Variants in CUX1 observed in about 807,000 individuals in gnomAD.
CUX1 encodes the protein cut like homeobox 1.
In CUX1, 31 loss-of-function variants were observed where a neutral mutation model predicts 158.8. The observed-to-expected ratio is 0.20, with a 90% CI of 0.15 to 0.26. The LOEUF is 0.26. Ranked by LOEUF, CUX1 falls within the 10% of genes least tolerant of loss-of-function variation. The pLI, the probability that CUX1 is intolerant of heterozygous loss-of-function variation, is 1.00. For missense variants in CUX1, 1,589 were observed against 2,014.6 expected (o/e 0.79, Z 4.04); for synonymous variants, 879 against 862.1 (o/e 1.02, Z -0.34).
At chr7:102,168,525 T>C (rs1485515557) in intron 9 of CUX1, among the ~76,000 whole-genome samples, 1 of 151,534 alleles carries the variant, frequency 6.6e-6, no homozygotes, top group Admixed American at 6.6e-5. Context: ...GCACCTGTAA[T>C]TCCAGCTACT....
chr7:102,206,294 G>A (rs369323580), intron 20 of CUX1, among the ~76,000 whole-genome samples: 13 of 152,278 alleles, frequency 8.5e-5, no homozygotes, highest in South Asian at 4.2e-4. Flanking sequence ...CACCCGCGCC[G>A]TGGGTCTTCT....
Position 102,254,133 on chromosome 7 carries a change from G to C in CUX1, c.*5091G>C. ...GCTGTGCTCTGCAAGGCACACGGAT[G>C]TTTCCCTTCCACCTGTTCCCAAAGC... is the stretch of plus-strand genomic sequence containing the variant. On this transcript the variant is annotated 3_prime_UTR_variant, in exon 24 of 24. Coordinates refer to ENST00000292535, the MANE Select transcript of CUX1 (RefSeq NM_181552.4). 1 of 985,426 alleles carries C rather than the reference G, an allele frequency of 1.0e-6. No homozygotes were observed. The highest frequency in any genetic ancestry group is 4.7e-5 in the South Asian group (1 of 21,276). 61.0% of individuals were successfully genotyped at this position (985,426 alleles called of 1,614,324 possible).
intron 9 of CUX1, among the ~76,000 whole-genome samples, chr7:102,165,009 T>A (rs1585997403): frequency 1.3e-5 from 2 of 150,098 alleles, no homozygotes; most frequent in Non-Finnish European, 3.0e-5. Context: ...GGGGAAGGAG[T>A]CTGCCCTTAA....
intron 3 of CUX1, among the ~76,000 whole-genome samples, chr7:102,069,195 C>G (rs946751770): frequency 2.6e-5 from 4 of 152,312 alleles, no homozygotes; most frequent in East Asian, 1.9e-4. Context: ...TCCCTGCCCC[C>G]TCCTGTGCTC....
chr7:102,181,567 G>C (rs1337298336), intron 11 of CUX1, among the ~76,000 whole-genome samples: 3 of 152,150 alleles, frequency 2.0e-5, no homozygotes, highest in Non-Finnish European at 1.5e-5. Context: ...TTCGTTATCC[G>C]TATCTTGGGG....
intron 12 of CUX1, among the ~76,000 whole-genome samples, chr7:102,193,216 C>T (rs1485512441): frequency 6.6e-6 from 1 of 152,250 alleles, no homozygotes; most frequent in African/African-American, 2.4e-5. Context: ...CTGGCTTCTC[C>T]TTACAACTTT....
At chr7:102,092,912 CAAAAAAAAAAAA>C (rs60587564) in intron 4 of CUX1, among the ~76,000 whole-genome samples, 1 of 74,958 alleles carries the variant, frequency 1.3e-5, no homozygotes, top group African/African-American at 4.9e-5. Flanking sequence ...GACTCCGTCT[CAAAAAAAAAAAA>C]AAAAAAAAGA....
At chr7:102,118,179 G>T (rs1292042636) in intron 8 of CUX1, among the ~76,000 whole-genome samples, 3 of 152,176 alleles carry the variant, frequency 2.0e-5, no homozygotes, top group Non-Finnish European at 2.9e-5. Flanking sequence ...AGCCCCTTGG[G>T]GCAAATCTTT....
intron 2 of CUX1, among the ~76,000 whole-genome samples, chr7:101,936,796 T>C (rs1418439843): frequency 6.6e-6 from 1 of 152,184 alleles, no homozygotes; most frequent in East Asian, 1.9e-4. Context: ...GTGGAGATCA[T>C]GCAATCAGGG....
At chr7:101,818,105 T>A (rs750284090) in intron 1 of CUX1, among the ~76,000 whole-genome samples, 5 of 152,238 alleles carry the variant, frequency 3.3e-5, no homozygotes, top group Non-Finnish European at 7.3e-5. Context: ...GGAAGAAGAC[T>A]ATGCGAAATA....
intron 3 of CUX1, among the ~76,000 whole-genome samples, chr7:102,036,319 A>T (rs953776247): frequency 6.6e-6 from 1 of 152,194 alleles, no homozygotes; most frequent in African/African-American, 2.4e-5. Context: ...ATATGCAAGA[A>T]CAAATGGTAA....
chr7:101,990,054 A>G (rs1480867959), intron 2 of CUX1, among the ~76,000 whole-genome samples: 1 of 152,218 alleles, frequency 6.6e-6, no homozygotes, highest in Admixed American at 6.5e-5. Flanking sequence ...TCAGAATAGC[A>G]TCTGCATGCA....
Position 102,257,898 on chromosome 7 carries a change from CT to C in CUX1, c.*8872del, listed in dbSNP as rs374339832. The C allele has an allele frequency of 0.19, 142,968 of 740,042 alleles. No homozygotes were observed. The highest frequency in any genetic ancestry group is 0.21 in the Non-Finnish European group (131,483 of 617,482). 45.8% of individuals were successfully genotyped at this position (740,042 alleles called of 1,614,324 possible). On this transcript the variant is annotated 3_prime_UTR_variant, in exon 24 of 24. Transcript: ENST00000292535. ...GAAAAAAGGAAAAAAAAAAAGTCGTCTTTTTTTTTTTTTTTTGTACAAATCG... is the reference window on the plus strand; with the variant it reads ...GAAAAAAGGAAAAAAAAAAAGTCGTCTTTTTTTTTTTTTTTGTACAAATCG...
At chr7:102,219,383 C>G (rs1312391243) in intron 20 of CUX1, among the ~76,000 whole-genome samples, 2 of 152,080 alleles carry the variant, frequency 1.3e-5, no homozygotes, top group African/African-American at 2.4e-5. Flanking sequence ...TCCACCTCCT[C>G]CCCCACACCC....
At chr7:102,064,350 T>TA (rs1007247814) in intron 3 of CUX1, among the ~76,000 whole-genome samples, 3 of 152,106 alleles carry the variant, frequency 2.0e-5, no homozygotes, top group Admixed American at 6.6e-5. Flanking sequence ...GTGCCGGCTC[T>TA]AAATGGTTTT....
At chr7:102,266,878 A>G (rs1310578769) in intron 14 of CUX1, among the ~76,000 whole-genome samples, 5 of 152,180 alleles carry the variant, frequency 3.3e-5, no homozygotes, top group Admixed American at 3.3e-4. Context: ...TAGACGCTTG[A>G]GAAGAGACAG....
At chr7:101,901,404 C>T (rs1323858879) in intron 1 of CUX1, among the ~76,000 whole-genome samples, 1 of 152,076 alleles carries the variant, frequency 6.6e-6, no homozygotes, top group Non-Finnish European at 1.5e-5. Context: ...AGCGATTCTC[C>T]TGCCTCAGCC....
intron 20 of CUX1, among the ~76,000 whole-genome samples, chr7:102,227,022 G>A (rs1798406603): frequency 6.6e-6 from 1 of 152,146 alleles, no homozygotes; most frequent in Non-Finnish European, 1.5e-5. Flanking sequence ...TAGCCAAAGT[G>A]CTTCTGAATT....
chr7:102,248,859 C>A lies in CUX1; in HGVS notation c.4335C>A (p.Ser1445Arg). ...PSSAPPPSNSSSSSAPRRPSS... is the reference protein window; with the variant it reads ...PSSAPPPSNSRSSSAPRRPSS... ...CCGCGCCGCCGCCCAGCAACAGCAG[C>A]AGCAGCAGCGCCCCCCGCAGGCCCA... is the stretch of plus-strand genomic sequence containing the variant. The change falls in exon 24 of 24, where the codon AGC (serine) becomes AGA (arginine). Residue 1445 changes from serine (S) to arginine (R), a missense_variant. Coordinates refer to ENST00000292535, the MANE Select transcript of CUX1 (RefSeq NM_181552.4). This position sits in a 1 kb window ranked among gnomAD's most constrained non-coding sequence, Gnocchi z 5.8. 1 of 1,287,340 alleles carries A rather than the reference C, an allele frequency of 7.8e-7. No homozygotes were observed. The highest frequency in any genetic ancestry group is 1.9e-5 in the South Asian group (1 of 52,462). 79.7% of individuals were successfully genotyped at this position (1,287,340 alleles called of 1,614,324 possible).
Sources: allele counts gnomAD v4.1 joint callset (sites outside exome capture counted in the v4.1 genomes callset), GRCh38; gene constraint gnomAD v4.1.1; non-coding constraint Gnocchi (gnomAD v3.1); transcripts MANE v1.5; gene names NCBI Gene and HGNC (gene_info 2026-07-23, HGNC 2026-07-21).